The following CRACDL variants were observed in gnomAD, a reference collection of about 807,000 sequenced individuals.
CRACDL encodes the protein CRACD-like protein.
In CRACDL, 26 loss-of-function variants were observed where a neutral mutation model predicts 70.6. That is an observed-to-expected ratio of 0.37 (90% CI 0.27 to 0.51). The LOEUF (loss-of-function observed/expected upper bound fraction) is 0.51. Among genes scored for constraint, CRACDL ranks in the 20% least tolerant of loss-of-function variants. CRACDL has a pLI of 0.94. For missense variants in CRACDL, 1,283 were observed against 1,376.9 expected, an observed-to-expected ratio of 0.93 and a Z score of 1.08; for synonymous variants, 618 against 615.2, an observed-to-expected ratio of 1.00 and a Z score of -0.07.
chr2:98,919,626 G>A (rs879653641), intron 1 of CRACDL, among the ~76,000 whole-genome samples: 1 of 152,130 alleles, frequency 6.6e-6, no homozygotes, highest in African/African-American at 2.4e-5. Flanking sequence ...TGAGCAAGGG[G>A]CTTGATGGTT....
At chr2:98,800,065 G>A (rs1704007167) in intron 7 of CRACDL, among the ~76,000 whole-genome samples, 1 of 152,094 alleles carries the variant, frequency 6.6e-6, no homozygotes, top group South Asian at 2.1e-4. Context: ...TCTATTCCTA[G>A]CCAGAGCCCA....
intron 1 of CRACDL, among the ~76,000 whole-genome samples, chr2:98,883,159 G>A (rs931232269): frequency 3.9e-5 from 6 of 152,326 alleles, no homozygotes; most frequent in Admixed American, 1.3e-4. Flanking sequence ...TTTGGGAAAG[G>A]AAGCCTTTGG....
chr2:98,875,173 G>A (rs1707452271), intron 1 of CRACDL, among the ~76,000 whole-genome samples: 1 of 152,202 alleles, frequency 6.6e-6, no homozygotes, highest in African/African-American at 2.4e-5. Context: ...TCACTGTCAG[G>A]GGCAGGCACG....
chr2:98,797,611 C>CA, intron 7 of CRACDL, 74 bp from the exon 8 acceptor site: 1 of 1,399,122 alleles, frequency 7.1e-7, no homozygotes, highest in Non-Finnish European at 1.0e-6. Flanking sequence ...GTCTCCTGCA[C>CA]AGAGAACACT....
At chr2:98,927,476 T>A in intron 1 of CRACDL, among the ~76,000 whole-genome samples, 1 of 149,062 alleles carries the variant, frequency 6.7e-6, no homozygotes, top group African/African-American at 2.5e-5. Context: ...ATTCAGGAAA[T>A]CTTGGTAAAG....
At chr2:98,871,044 C>T (rs918856430) in intron 1 of CRACDL, among the ~76,000 whole-genome samples, 7 of 152,366 alleles carry the variant, frequency 4.6e-5, no homozygotes, top group Admixed American at 1.3e-4. Context: ...GCCCCTCCAC[C>T]GCCTCCCAGC....
chr2:98,872,642 T>C (rs1707380624), intron 1 of CRACDL, among the ~76,000 whole-genome samples: 1 of 152,218 alleles, frequency 6.6e-6, no homozygotes, highest in South Asian at 2.1e-4. Context: ...TCCCCGTCAT[T>C]TGAAGAGCTT....
chr2:98,826,493 G>C (rs1705308206), intron 6 of CRACDL, among the ~76,000 whole-genome samples: 1 of 152,238 alleles, frequency 6.6e-6, no homozygotes, highest in Non-Finnish European at 1.5e-5. Flanking sequence ...TCTGAAGGAA[G>C]TGAACGGGCA....
Position 98,823,124 on chromosome 2 carries a change from CG to C in CRACDL, c.1148del (p.Pro383ArgfsTer116). ...CCACCTCCTCCGCCTTGTCCGTGGC[CG>C]GGGCACACGGGCCTGCGGGGGGCGC... The part of the protein sequence containing the change: ...GEAPPAGPCA[P>X]ATDKAEEVVC... On this transcript the variant is annotated frameshift_variant, in exon 7 of 10. Coordinates refer to ENST00000397899, the MANE Select transcript of CRACDL (RefSeq NM_207362.3). LOFTEE classifies it high-confidence loss of function. This position sits in a 1 kb window ranked among gnomAD's most constrained non-coding sequence, Gnocchi z 4.0. 2 of 1,570,806 alleles carry C rather than the reference CG, an allele frequency of 1.3e-6. No homozygotes were observed. The highest frequency in any genetic ancestry group is 1.7e-6 in the Non-Finnish European group (2 of 1,162,142).
chr2:98,866,139 GAGA>G (rs1707129951), intron 1 of CRACDL, among the ~76,000 whole-genome samples: 1 of 152,180 alleles, frequency 6.6e-6, no homozygotes, highest in Non-Finnish European at 1.5e-5. Context: ...GCTGAAACTA[GAGA>G]ATATTCAGAT....
rs764108080 is a variant in CRACDL, at chr2:98,846,775, A to T, written c.26T>A (p.Ile9Asn). Residue 9 changes from isoleucine (I) to asparagine (N), a missense_variant, in exon 2 of 10, where the codon ATT becomes AAT. Coordinates refer to ENST00000397899, the MANE Select transcript of CRACDL (RefSeq NM_207362.3). ...GCCTTCTGCAGCCTCCCGAAGCTTA[A>T]TGTCCATCACCCTTGTGGAAATCAT... MISTRVMDIKLREAAEGLG... is the reference protein window; with the variant it reads MISTRVMDNKLREAAEGLG... 8.1e-6 allele frequency: 13 copies of T among 1,614,106 alleles called. No homozygotes were observed.
intron 1 of CRACDL, among the ~76,000 whole-genome samples, chr2:98,893,030 C>T (rs907333455): frequency 6.6e-6 from 1 of 152,190 alleles, no homozygotes; most frequent in Non-Finnish European, 1.5e-5. Flanking sequence ...GAGCCTATAC[C>T]CTGACATCAC....
At chr2:98,888,655 AT>A (rs1707858927) in intron 1 of CRACDL, among the ~76,000 whole-genome samples, 1 of 152,220 alleles carries the variant, frequency 6.6e-6, no homozygotes, top group Non-Finnish European at 1.5e-5. Flanking sequence ...GCAGATGTAA[AT>A]CCCACCTTAT....
intron 1 of CRACDL, among the ~76,000 whole-genome samples, chr2:98,903,733 CCT>C (rs1233707450): frequency 6.6e-6 from 1 of 152,216 alleles, no homozygotes; most frequent in African/African-American, 2.4e-5. Context: ...CAAGCTTCCC[CCT>C]CTAATTGCTT....
intron 1 of CRACDL, among the ~76,000 whole-genome samples, chr2:98,926,960 G>A (rs563672984): frequency 1.3e-5 from 2 of 152,176 alleles, no homozygotes; most frequent in East Asian, 1.9e-4. Flanking sequence ...GGTCTCCAGG[G>A]ATTCGTTTCT....
intron 1 of CRACDL, among the ~76,000 whole-genome samples, chr2:98,924,503 C>T (rs1448493852): frequency 6.6e-6 from 1 of 152,248 alleles, no homozygotes; most frequent in African/African-American, 2.4e-5. Context: ...CAGCCAAACT[C>T]AGAGACATTC....
intron 1 of CRACDL, among the ~76,000 whole-genome samples, chr2:98,935,094 T>C (rs1212057842): frequency 6.6e-6 from 1 of 152,212 alleles, no homozygotes; most frequent in African/African-American, 2.4e-5. Flanking sequence ...ACACAGATTC[T>C]AGTCTATGGT....
intron 1 of CRACDL, among the ~76,000 whole-genome samples, chr2:98,886,878 G>A (rs927698730): frequency 1.3e-5 from 2 of 152,040 alleles, no homozygotes; most frequent in Non-Finnish European, 2.9e-5. Flanking sequence ...AAGAAAATAT[G>A]GTCCACATAT....
At chr2:98,910,900 G>C (rs966271878) in intron 1 of CRACDL, among the ~76,000 whole-genome samples, 1 of 152,216 alleles carries the variant, frequency 6.6e-6, no homozygotes, top group African/African-American at 2.4e-5. Flanking sequence ...TTGAGCTCAA[G>C]GTTGCAGGGA....
Sources: gnomAD v4.1 joint callset for allele counts (sites outside exome capture counted in the v4.1 genomes callset) on GRCh38, gnomAD v4.1.1 for gene constraint, Gnocchi (gnomAD v3.1) non-coding constraint, MANE v1.5 for transcripts, NCBI Gene and HGNC (gene_info 2026-07-23, HGNC 2026-07-21) for gene names.